The following LRRC1 variants were observed in gnomAD, a reference collection of about 807,000 sequenced individuals.
LRRC1 encodes leucine rich repeat containing 1, also known as leucine-rich repeat-containing protein 1.
LRRC1 carries 28 observed loss-of-function variants against 69.9 expected under a neutral mutation model. The ratio of observed to expected loss-of-function variants is 0.40; its 90% confidence interval spans 0.30 to 0.55. LRRC1 has a LOEUF of 0.55. Ranked by LOEUF, LRRC1 falls within the 20% of genes least tolerant of loss-of-function variation. The pLI is 0.47. For missense variants in LRRC1, 498 were observed against 609.0 expected, an observed-to-expected ratio of 0.82 and a Z score of 1.92; for synonymous variants, 236 against 240.2, an observed-to-expected ratio of 0.98 and a Z score of 0.16.
intron 2 of LRRC1, among the ~76,000 whole-genome samples, chr6:53,844,773 G>A (rs1765887623): frequency 1.3e-5 from 2 of 152,200 alleles, no homozygotes; most frequent in South Asian, 2.1e-4. Flanking sequence ...TAGAAATGCC[G>A]AGAGGGAGTT....
chr6:53,902,980 C>A (rs1167612534), intron 9 of LRRC1, among the ~76,000 whole-genome samples: 1 of 152,104 alleles, frequency 6.6e-6, no homozygotes, highest in African/African-American at 2.4e-5. Flanking sequence ...AGAGACTGAA[C>A]AAATGCCTCA....
intron 13 of LRRC1, 122 bp downstream of exon 13, chr6:53,920,883 G>C (rs1768719420): frequency 8.6e-7 from 1 of 1,160,900 alleles, no homozygotes; most frequent in Middle Eastern, 2.7e-4. Context: ...CAGCATTTAG[G>C]AATTTTTTTA....
At chr6:53,882,242 G>A (rs1160152195) in intron 3 of LRRC1, among the ~76,000 whole-genome samples, 1 of 152,166 alleles carries the variant, frequency 6.6e-6, no homozygotes, top group African/African-American at 2.4e-5. Context: ...CAGCTACTCA[G>A]GAAGCTAAGG....
chr6:53,819,653 C>T (rs948944185), intron 1 of LRRC1, among the ~76,000 whole-genome samples: 2 of 151,998 alleles, frequency 1.3e-5, no homozygotes, highest in African/African-American at 4.8e-5. Flanking sequence ...GGATGTGTGC[C>T]GCCATCCTGT....
intron 2 of LRRC1, among the ~76,000 whole-genome samples, chr6:53,877,916 T>C (rs1228752583): frequency 6.6e-6 from 1 of 152,212 alleles, no homozygotes; most frequent in Non-Finnish European, 1.5e-5. Flanking sequence ...CAACCCACTC[T>C]ACTGGTACCA....
chr6:53,870,703 C>T (rs1362500061), intron 2 of LRRC1, among the ~76,000 whole-genome samples: 1 of 152,060 alleles, frequency 6.6e-6, no homozygotes, highest in Non-Finnish European at 1.5e-5. Flanking sequence ...ATTCTAGTTA[C>T]CATGCATACT....
intron 1 of LRRC1, among the ~76,000 whole-genome samples, chr6:53,805,083 G>A (rs562031918): frequency 3.9e-5 from 6 of 151,952 alleles, no homozygotes; most frequent in Admixed American, 6.6e-5. Flanking sequence ...CTTTTCCGTA[G>A]GTCTGGAAAA....
chr6:53,847,846 C>G (rs776848718), intron 2 of LRRC1, among the ~76,000 whole-genome samples: 1 of 152,192 alleles, frequency 6.6e-6, no homozygotes, highest in Non-Finnish European at 1.5e-5. Context: ...AGTGGTAACT[C>G]TAGTGTGCCT....
chr6:53,827,321 A>AC (rs1484150350), intron 1 of LRRC1, among the ~76,000 whole-genome samples: 2 of 151,944 alleles, frequency 1.3e-5, no homozygotes, highest in Non-Finnish European at 1.5e-5. Context: ...AAAAAAAAAA[A>AC]AAAAACAGTT....
chr6:53,853,525 T>C (rs2127420361), intron 2 of LRRC1, among the ~76,000 whole-genome samples: 1 of 152,274 alleles, frequency 6.6e-6, no homozygotes, highest in Middle Eastern at 3.4e-3. Flanking sequence ...CCTCAGGTTA[T>C]CCACCTGCCT....
In LRRC1 at chr6:53,922,640, A is replaced by G. The variant is rs776702216; in HGVS notation, c.1422A>G (p.Thr474=). 3.1e-6 allele frequency: 5 copies of G among 1,602,830 alleles called. No individual in the cohort carries two copies. Among genetic ancestry groups the G allele is most frequent in the Non-Finnish European group, 4.3e-6 (5 of 1,173,674 alleles). The stretch of plus-strand genomic sequence containing the variant: ...ACTCCACTGTTTGTTTTTAGAGAAC[A>G]CTTCTAAGGCGAGCCACTCCACACC... ...EKDEEDNETR[T]LLRRATPHPG... The change falls in exon 14 of 14, where the codon ACA becomes ACG. Residue 474 remains threonine (T), a synonymous_variant. Coordinates refer to ENST00000370888, the MANE Select transcript of LRRC1 (RefSeq NM_018214.5).
At chr6:53,839,969 C>G (rs1765721161) in intron 1 of LRRC1, among the ~76,000 whole-genome samples, 1 of 152,152 alleles carries the variant, frequency 6.6e-6, no homozygotes, top group African/African-American at 2.4e-5. Context: ...AAACCTCCCT[C>G]TGGGAGCTGT....
intron 4 of LRRC1, among the ~76,000 whole-genome samples, chr6:53,888,051 T>A (rs777383154): frequency 3.9e-5 from 6 of 152,238 alleles, no homozygotes; most frequent in Non-Finnish European, 5.9e-5. Flanking sequence ...TAATTTTTGC[T>A]TTAAGGAGTT....
intron 3 of LRRC1, among the ~76,000 whole-genome samples, chr6:53,879,700 C>CT (rs528784566): frequency 0.031 from 4,595 of 146,422 alleles, 81 homozygotes; most frequent in Middle Eastern, 0.072. Flanking sequence ...GTGAGGATTT[C>CT]TTTTTTTTTT....
intron 2 of LRRC1, among the ~76,000 whole-genome samples, chr6:53,849,171 G>T (rs1375811823): frequency 1.3e-5 from 2 of 151,254 alleles, no homozygotes; most frequent in African/African-American, 4.9e-5. Context: ...TCAGTTACAG[G>T]TTCTCTCAAT....
At chr6:53,842,902 A>G (rs1765834132) in intron 2 of LRRC1, among the ~76,000 whole-genome samples, 1 of 152,222 alleles carries the variant, frequency 6.6e-6, no homozygotes, top group Admixed American at 6.5e-5. Flanking sequence ...TTTACTGAAC[A>G]TTTGAATAGG....
intron 1 of LRRC1, among the ~76,000 whole-genome samples, chr6:53,826,583 T>A (rs1413422120): frequency 6.6e-6 from 1 of 152,224 alleles, no homozygotes; most frequent in Non-Finnish European, 1.5e-5. Context: ...TCAGAGCAAC[T>A]GTAGGACAAG....
At chr6:53,890,423 T>A (rs984739905) in intron 4 of LRRC1, among the ~76,000 whole-genome samples, 1 of 152,182 alleles carries the variant, frequency 6.6e-6, no homozygotes, top group African/African-American at 2.4e-5. Context: ...TCTGATTTTA[T>A]GTCTGCTGAG....
At chr6:53,879,700 CTT>C (rs528784566) in intron 3 of LRRC1, among the ~76,000 whole-genome samples, 3 of 146,450 alleles carry the variant, frequency 2.0e-5, no homozygotes. Context: ...GTGAGGATTT[CTT>C]TTTTTTTTTT....
Sources: allele counts gnomAD v4.1 joint callset (sites outside exome capture counted in the v4.1 genomes callset), GRCh38; gene constraint gnomAD v4.1.1; transcripts MANE v1.5; gene names NCBI Gene and HGNC (gene_info 2026-07-23, HGNC 2026-07-21).